SLC15A3: variants seen among roughly 807,000 people sequenced by gnomAD.
SLC15A3 encodes solute carrier family 15 member 3.
A neutral mutation model predicts 49.2 loss-of-function variants in SLC15A3; 39 were observed. The ratio of observed to expected loss-of-function variants is 0.79; its 90% CI spans 0.61 to 1.04. The LOEUF (loss-of-function observed/expected upper bound fraction) is 1.04, where lower values mean the gene tolerates loss of function less well. SLC15A3 is among the 50% of genes least tolerant of loss of function. The pLI, the probability that SLC15A3 is intolerant of heterozygous loss-of-function variation, is 0.00. For missense variants in SLC15A3, 758 were observed against 794.8 expected, an observed-to-expected ratio of 0.95 and a Z score of 0.56; for synonymous variants, 339 against 367.0, an observed-to-expected ratio of 0.92 and a Z score of 0.87.
rs370679611 is a variant in SLC15A3 at position 60,943,819 on chromosome 11, C to T, written c.866G>A (p.Arg289His). ...GGGAGACCTCTCGTCGGCCAGCACGCGGGCACATTGACGGTCTCTGTGAGA... is the reference window on the plus strand; with the variant it reads ...GGGAGACCTCTCGTCGGCCAGCACGTGGGCACATTGACGGTCTCTGTGAGA... ...RHSARDRQCA[R>H]VLADERSPQP... Residue 289 changes from arginine to histidine, a missense_variant, in exon 3 of 8, where the codon CGC becomes CAC. Coordinates refer to ENST00000227880, the MANE Select transcript of SLC15A3 (RefSeq NM_016582.3). The T allele has an allele frequency of 2.3e-5, 37 of 1,592,728 alleles. No individual in the cohort carries two copies. In the East Asian group the frequency reaches 2.5e-4, roughly 11 times the overall value.
In SLC15A3 at chr11:60,951,767, C is replaced by G; in HGVS notation, c.-216G>C. 1 of 213,836 alleles carries G rather than the reference C, an allele frequency of 4.7e-6. No homozygotes were observed. The highest frequency in any genetic ancestry group is 8.9e-6 in the Non-Finnish European group (1 of 112,534). The allele number at this position is 213,836 out of a possible 1,614,324, so 13.2% of individuals were successfully genotyped here. On this transcript the variant is annotated 5_prime_UTR_variant, in exon 1 of 8. Transcript: ENST00000227880. ...CTCACTACCCGGACTCTACCACCTC[C>G]TCCCTAATTCTCAACTCCCCTCTCC...
chr11:60,949,566 A>AAGAAAGAAT, intron 1 of SLC15A3, among the ~76,000 whole-genome samples: 1 of 149,554 alleles, frequency 6.7e-6, no homozygotes, highest in East Asian at 2.0e-4. Context: ...GAAAGAAAGA[A>AAGAAAGAAT]AGAAAAGAGA....
chr11:60,951,283 C>T lies in SLC15A3; in HGVS notation c.269G>A (p.Gly90Asp), dbSNP rs200982819. The T allele has an allele frequency of 6.6e-7, 1 of 1,517,902 alleles. No individual in the cohort carries two copies. Among genetic ancestry groups the T allele is most frequent in the East Asian group, 2.8e-5 (1 of 36,334 alleles). 94.0% of individuals were successfully genotyped at this position (1,517,902 alleles called of 1,614,324 possible). A position where few individuals can be genotyped will look rare whatever the true frequency, so the allele number is the denominator to read the frequency against. Residue 90 changes from glycine (G) to aspartate (D), a missense_variant, in exon 1 of 8, where the codon GGC becomes GAC. By Grantham distance (94) the Gly-to-Asp change is moderately conservative (BLOSUM62 -1). This residue lies in a region of SLC15A3 where 699 missense variants were observed against 706.7 expected (regional missense o/e 0.99). Coordinates refer to ENST00000227880, the MANE Select transcript of SLC15A3 (RefSeq NM_016582.3). The stretch of plus-strand genomic sequence containing the variant: ...CAGGTACACGTCGGCCAGCCAGCCG[C>T]CCACGGGCGCCAGCAGGTAGGAGGC... ...LGASYLLAPV[G>D]GWLADVYLGR...
At chr11:60,949,196 C>T (rs931208357) in intron 1 of SLC15A3, among the ~76,000 whole-genome samples, 6 of 151,906 alleles carry the variant, frequency 3.9e-5, no homozygotes, top group Non-Finnish European at 7.4e-5. Context: ...AACTAGCCAG[C>T]GTGGTAGCGG....
Position 60,946,682 on chromosome 11 carries a change from G to A in SLC15A3, c.698C>T (p.Pro233Leu). Residue 233 changes from proline (P) to leucine (L), a missense_variant, in exon 2 of 8, where the codon CCT becomes CTT. Pro to Leu is a moderately conservative substitution (Grantham distance 98). This residue lies in a region of SLC15A3 where 699 missense variants were observed against 706.7 expected (regional missense o/e 0.99). Coordinates refer to ENST00000227880, the MANE Select transcript of SLC15A3 (RefSeq NM_016582.3). The part of the protein sequence containing the change: ...NISFLLGYSI[P>L]VGCVGLAFFI... ...AAATGCCAGGCCCACACAGCCCACA[G>A]GGATGCTGTAGCCCAGCAGGAAGCT... The A allele has an allele frequency of 6.2e-7, 1 of 1,614,242 alleles. No individual in the cohort carries two copies. Among genetic ancestry groups the A allele is most frequent in the Non-Finnish European group, 8.5e-7 (1 of 1,180,040 alleles).
rs555930848 is a variant in SLC15A3, at chr11:60,941,500, T to C, written c.1108-210A>G. The C allele has an allele frequency of 1.2e-5, 6 of 508,764 alleles. No individual in the cohort carries two copies. In the South Asian group the frequency reaches 1.4e-4, roughly 12 times the overall value. 31.5% of individuals were successfully genotyped at this position (508,764 alleles called of 1,614,324 possible). Reference sequence around the variant, plus strand: ...CCTCTTGTATTCTAACTTTTATCAATTGGTAGTGGCTGATTATGGAACATT... The same window carrying C: ...CCTCTTGTATTCTAACTTTTATCAACTGGTAGTGGCTGATTATGGAACATT... On this transcript the variant is annotated intron_variant, in intron 4 of 7. Coordinates refer to ENST00000227880, the MANE Select transcript of SLC15A3 (RefSeq NM_016582.3).
rs774163802 is a variant in SLC15A3, at chr11:60,950,993, C to T, written c.558+1G>A. The T allele has an allele frequency of 6.8e-7, 1 of 1,462,256 alleles. No homozygotes were observed. The highest frequency in any genetic ancestry group is 2.4e-4 in the Middle Eastern group (1 of 4,082). 90.6% of individuals were successfully genotyped at this position (1,462,256 alleles called of 1,614,324 possible). ...GCCGGGGCAGGCCTCCTGCCACTCA[C>T]CTGGTCGGCACCGAAGGAGGTGAGG... On this transcript the variant is annotated splice_donor_variant, in intron 1 of 7. Coordinates refer to ENST00000227880, the MANE Select transcript of SLC15A3 (RefSeq NM_016582.3). LOFTEE classifies it high-confidence loss of function.
Position 60,943,716 on chromosome 11 carries a change from C to T in SLC15A3, c.969G>A (p.Leu323=), listed in dbSNP as rs759983220. The change falls in exon 3 of 8, where the codon CTG becomes CTA. Residue 323 remains leucine (L), a synonymous_variant. Transcript: ENST00000227880. Reference sequence around the variant, plus strand: ...GGAAGTAGACCATCCAGTAGGGCACCAGGGTCACCATGACGGGCAAGATCT... The same window carrying T: ...GGAAGTAGACCATCCAGTAGGGCACTAGGGTCACCATGACGGGCAAGATCT... The part of the protein sequence containing the change: ...LVKILPVMVT[L]VPYWMVYFQM... 6.3e-7 allele frequency: 1 copy of T among 1,597,548 alleles called. No homozygotes were observed. The highest frequency in any genetic ancestry group is 2.3e-5 in the East Asian group (1 of 43,886).
intron 2 of SLC15A3, among the ~76,000 whole-genome samples, chr11:60,944,571 C>T (rs1800885537): frequency 6.6e-6 from 1 of 152,146 alleles, no homozygotes; most frequent in African/African-American, 2.4e-5. Flanking sequence ...AGACCAGAGA[C>T]TGTGGAAAAC....
Position 60,942,154 on chromosome 11 carries a change from A to G in SLC15A3, c.997-9T>C. ...ACATAGGTGGACTGCATCTGCCAAG[A>G]GAGACAGGGGTGAGGCTGGAACAGA... is the stretch of plus-strand genomic sequence containing the variant. On this transcript the variant is annotated splice_polypyrimidine_tract_variant and intron_variant, in intron 3 of 7. Transcript: ENST00000227880. 1 of 1,612,088 alleles carries G rather than the reference A, an allele frequency of 6.2e-7. No individual in the cohort carries two copies. Among genetic ancestry groups the G allele is most frequent in the Non-Finnish European group, 8.5e-7 (1 of 1,178,382 alleles).
At chr11:60,946,852 C>T in intron 1 of SLC15A3, 31 bp from the exon 2 acceptor site, 2 of 1,585,198 alleles carry the variant, frequency 1.3e-6, no homozygotes, top group Non-Finnish European at 8.6e-7. Context: ...ACAGTGAGGG[C>T]CAAAGGGGTC....
chr11:60,946,036 A>G (rs1255724938), intron 2 of SLC15A3, among the ~76,000 whole-genome samples: 1 of 151,758 alleles, frequency 6.6e-6, no homozygotes, highest in African/African-American at 2.4e-5. Flanking sequence ...TCTGTCACCC[A>G]GGCTGGAGTG....
chr11:60,948,377 C>G (rs1856835557), intron 1 of SLC15A3, among the ~76,000 whole-genome samples: 1 of 152,126 alleles, frequency 6.6e-6, no homozygotes, highest in Non-Finnish European at 1.5e-5. Context: ...ACCAGGCAGC[C>G]CATTCAGGAT....
Position 60,951,055 on chromosome 11 carries a change from A to G in SLC15A3, c.497T>C (p.Leu166Pro). The G allele has an allele frequency of 1.3e-6, 2 of 1,495,430 alleles. No individual in the cohort carries two copies. The highest frequency in any genetic ancestry group is 1.3e-5 in the South Asian group (1 of 79,306). The allele number at this position is 1,495,430 out of a possible 1,614,324, so 92.6% of individuals were successfully genotyped here. ...GGAGCTGGCGGCCAGGCCGAGTAGC[A>G]GCAGGCCCGCGTAGAGGACGGGCGC... ...YCAPVLYAGL[L>P]LLGLAASSVR... The change falls in exon 1 of 8, where the codon CTG becomes CCG. Residue 166 changes from leucine (L) to proline (P), a missense_variant. Coordinates refer to ENST00000227880, the MANE Select transcript of SLC15A3 (RefSeq NM_016582.3).
At chr11:60,944,053 G>A (rs1370132425) in intron 2 of SLC15A3, among the ~76,000 whole-genome samples, 2 of 152,194 alleles carry the variant, frequency 1.3e-5, no homozygotes, top group African/African-American at 4.8e-5. Flanking sequence ...CAGTTATTTG[G>A]GAGGCTGAGA....
chr11:60,950,139 A>G (rs1313209557), intron 1 of SLC15A3, among the ~76,000 whole-genome samples: 1 of 152,240 alleles, frequency 6.6e-6, no homozygotes, highest in Non-Finnish European at 1.5e-5. Flanking sequence ...CATTCAGGAT[A>G]TAAATGAGTT....
intron 6 of SLC15A3, among the ~76,000 whole-genome samples, chr11:60,938,813 C>T (rs1305742776): frequency 6.6e-6 from 1 of 152,352 alleles, no homozygotes; most frequent in Non-Finnish European, 1.5e-5. Flanking sequence ...TCTGCCCTGA[C>T]TTCCACAGCA....
chr11:60,951,931 C>A lies in SLC15A3; in HGVS notation c.-380G>T. ...ACCCTCCCTGCTTCACTTCGCTGCC[C>A]CTCCGCCTCCCTTTCCCCTCCCCGT... On this transcript the variant is annotated 5_prime_UTR_variant, in exon 1 of 8. Coordinates refer to ENST00000227880, the MANE Select transcript of SLC15A3 (RefSeq NM_016582.3). The A allele has an allele frequency of 6.5e-6, 1 of 154,552 alleles. No individual in the cohort carries two copies. 9.6% of individuals were successfully genotyped at this position (154,552 alleles called of 1,614,324 possible).
At chr11:60,938,171 A>C in intron 6 of SLC15A3, 146 bp from the exon 7 acceptor site, 6 of 973,812 alleles carry the variant, frequency 6.2e-6, no homozygotes, top group Non-Finnish European at 8.9e-6. Context: ...TGGCAATGAC[A>C]GCACCCATGC....
Sources: allele counts gnomAD v4.1 joint callset (sites outside exome capture counted in the v4.1 genomes callset), GRCh38; gene constraint gnomAD v4.1.1; regional missense constraint gnomAD v4.1.1; transcripts MANE v1.5; gene names NCBI Gene and HGNC (gene_info 2026-07-23, HGNC 2026-07-21).